MAN1A1: variants seen among roughly 807,000 people sequenced by gnomAD.
MAN1A1 encodes mannosyl-oligosaccharide 1,2-alpha-mannosidase IA.
Under a neutral mutation model 70.8 loss-of-function variants are expected in MAN1A1, and 29 were observed. The ratio of observed to expected loss-of-function variants is 0.41; its 90% CI spans 0.31 to 0.56. The LOEUF (loss-of-function observed/expected upper bound fraction) is 0.56, where lower values mean the gene tolerates loss of function less well. Among genes scored for constraint, MAN1A1 ranks in the 20% least tolerant of loss-of-function variants. The probability of loss-of-function intolerance (pLI) is 0.29; values close to 1 mark genes in which losing one functional copy is unlikely to be tolerated. For synonymous variants in MAN1A1, 349 were observed against 330.1 expected (o/e 1.06, Z -0.62); for missense variants, 747 against 841.3 (o/e 0.89, Z 1.39).
At chr6:119,181,562 T>A (rs1773155299) in intron 11 of MAN1A1, among the ~76,000 whole-genome samples, 1 of 152,132 alleles carries the variant, frequency 6.6e-6, no homozygotes. Context: ...AATGAATATT[T>A]GGAAAACAGA....
rs193026251 is a variant in MAN1A1, at chr6:119,240,586, A to T, written c.992+7674T>A. 2.0e-5 allele frequency among the ~76,000 whole-genome samples: 3 copies of T among 152,308 alleles called. No individual in the cohort carries two copies. The East Asian group carries it at 5.8e-4, about 29-fold the overall frequency. On this transcript the variant is annotated intron_variant, in intron 6 of 12. Transcript: ENST00000368468. ...AAAAAACCCATTTACCTGAGTGTTA[A>T]CTTCAATTATGACCAGAGAAGTGGG...
At chr6:119,187,304 T>C (rs566983562) in intron 11 of MAN1A1, among the ~76,000 whole-genome samples, 1 of 152,174 alleles carries the variant, frequency 6.6e-6, no homozygotes, top group Admixed American at 6.5e-5. Flanking sequence ...TGCTGGCCAA[T>C]TGAAGACCAA....
rs369865048 is a variant in MAN1A1, at chr6:119,322,585, A to T, written c.604-15593T>A. On this transcript the variant is annotated intron_variant, in intron 2 of 12. Transcript: ENST00000368468. ...CATGGTCCTGTGTGTGCTATTTGCT[A>T]CTACTCGGCCAGTCCTATTTATAGA... Among the ~76,000 whole-genome samples the T allele has an allele frequency of 2.6e-5, 4 of 152,308 alleles. No homozygotes were observed. In the South Asian group the frequency reaches 8.3e-4, roughly 32 times the overall value.
At position 119,193,830 on chromosome 6, in the gene MAN1A1, T is replaced by A. The variant is rs777003368; in HGVS notation, c.1273A>T (p.Met425Leu). 6.2e-6 allele frequency: 10 copies of A among 1,613,724 alleles called. No individual in the cohort carries two copies. The highest frequency in any genetic ancestry group is 8.5e-6 in the Non-Finnish European group (10 of 1,179,868). Reference sequence around the variant, plus strand: ...GCTTCCAGATCTGTCTTGTCAGACATTAACCAGGCCTTCAGCAAATACTCA... The same window carrying A: ...GCTTCCAGATCTGTCTTGTCAGACAATAACCAGGCCTTCAGCAAATACTCA... ...FYEYLLKAWL[M>L]SDKTDLEAKK... The change falls in exon 9 of 13, where the codon ATG (methionine) becomes TTG (leucine). Residue 425 changes from methionine (M) to leucine (L), a missense_variant. Physicochemically the swap from Met to Leu is conservative, Grantham distance 15 (BLOSUM62 2). This residue lies in a region of MAN1A1 where 419 missense variants were observed against 548.2 expected (regional missense o/e 0.76). Transcript: ENST00000368468.
At chr6:119,250,642 C>CTA (rs777712852) in intron 5 of MAN1A1, among the ~76,000 whole-genome samples, 34 of 88,822 alleles carry the variant, frequency 3.8e-4, no homozygotes, top group African/African-American at 1.4e-3. Context: ...CTCTCTTGTT[C>CTA]TCTCTCTGTG....
chr6:119,191,141 G>T (rs955155515), intron 9 of MAN1A1, among the ~76,000 whole-genome samples: 2 of 152,160 alleles, frequency 1.3e-5, no homozygotes, highest in Non-Finnish European at 2.9e-5. Flanking sequence ...ATTAACCGTG[G>T]TTAAGCTAAT....
intron 4 of MAN1A1, among the ~76,000 whole-genome samples, chr6:119,291,977 T>C (rs1037269543): frequency 5.3e-5 from 8 of 152,060 alleles, no homozygotes; most frequent in Non-Finnish European, 1.0e-4. Context: ...CTGAGACTTA[T>C]AGTGGTTAAT....
chr6:119,203,833 T>C (rs1186315457), intron 7 of MAN1A1, among the ~76,000 whole-genome samples: 1 of 152,108 alleles, frequency 6.6e-6, no homozygotes, highest in African/African-American at 2.4e-5. Context: ...TAAACAGATA[T>C]AGAGTCTGGA....
intron 9 of MAN1A1, among the ~76,000 whole-genome samples, chr6:119,191,643 T>A (rs2299875): frequency 0.84 from 127,151 of 152,162 alleles, 53,644 homozygotes; most frequent in South Asian, 0.89. Flanking sequence ...CTGATATGTC[T>A]TCTGCCCAGG....
intron 5 of MAN1A1, among the ~76,000 whole-genome samples, chr6:119,264,313 G>A (rs775102644): frequency 6.6e-4 from 100 of 152,288 alleles, no homozygotes; most frequent in Admixed American, 2.6e-3. Context: ...CAGGTAATTC[G>A]AAAGGAATGG....
At chr6:119,274,631 T>TCAATATGCCTGAGAAAC (rs1260703987) in intron 5 of MAN1A1, among the ~76,000 whole-genome samples, 2 of 152,186 alleles carry the variant, frequency 1.3e-5, no homozygotes, top group Admixed American at 6.5e-5. Flanking sequence ...ACTACCATTT[T>TCAATATGCCTGAGAAAC]CAATATGCCT....
At chr6:119,278,823 C>G (rs1247094857) in intron 5 of MAN1A1, among the ~76,000 whole-genome samples, 1 of 152,210 alleles carries the variant, frequency 6.6e-6, no homozygotes, top group East Asian at 1.9e-4. Flanking sequence ...CCTTCTCTCT[C>G]TTGGTCCCTT....
chr6:119,244,584 A>G (rs1443096445), intron 6 of MAN1A1, among the ~76,000 whole-genome samples: 2 of 152,076 alleles, frequency 1.3e-5, no homozygotes, highest in Non-Finnish European at 2.9e-5. Flanking sequence ...AGAGTTCCTC[A>G]TGTAGTATAT....
chr6:119,253,037 A>AT (rs1775366820), intron 5 of MAN1A1, among the ~76,000 whole-genome samples: 1 of 152,130 alleles, frequency 6.6e-6, no homozygotes, highest in South Asian at 2.1e-4. Context: ...CTGAGTGAAC[A>AT]TAAAAAAAAA....
At chr6:119,252,382 T>G (rs930586922) in intron 5 of MAN1A1, among the ~76,000 whole-genome samples, 1 of 152,180 alleles carries the variant, frequency 6.6e-6, no homozygotes, top group Non-Finnish European at 1.5e-5. Context: ...AAAAGCAAAT[T>G]TGAGTGATTT....
chr6:119,185,556 C>T (rs1353368680), intron 11 of MAN1A1, among the ~76,000 whole-genome samples: 1 of 151,630 alleles, frequency 6.6e-6, no homozygotes, highest in Non-Finnish European at 1.5e-5. Flanking sequence ...TAACACTGAC[C>T]ATAATTTCAA....
intron 6 of MAN1A1, among the ~76,000 whole-genome samples, chr6:119,226,138 T>A (rs574969042): frequency 2.4e-4 from 36 of 152,168 alleles, no homozygotes; most frequent in African/African-American, 8.7e-4. Flanking sequence ...AGAGCAGCCA[T>A]GAGAAAAGAA....
At chr6:119,226,545 A>G (rs1774519563) in intron 6 of MAN1A1, among the ~76,000 whole-genome samples, 1 of 152,250 alleles carries the variant, frequency 6.6e-6, no homozygotes, top group South Asian at 2.1e-4. Flanking sequence ...ACATCTTCCC[A>G]GGCTGTTCAA....
At chr6:119,350,320 G>T (rs1195626658), upstream of MAN1A1, among the ~76,000 whole-genome samples, 1 of 152,206 alleles carries the variant, frequency 6.6e-6, no homozygotes, top group Non-Finnish European at 1.5e-5. Flanking sequence ...CCTGGTAGCA[G>T]TGAAACCCCA....
Sources: allele counts gnomAD v4.1 joint callset (sites outside exome capture counted in the v4.1 genomes callset), GRCh38; gene constraint gnomAD v4.1.1; regional missense constraint gnomAD v4.1.1; transcripts MANE v1.5; gene names NCBI Gene and HGNC (gene_info 2026-07-23, HGNC 2026-07-21).